Variants in RNF121 observed in about 807,000 individuals in gnomAD.
The protein encoded by RNF121 is ring finger protein 121.
A neutral mutation model predicts 46.5 loss-of-function variants in RNF121; 21 were observed. The observed-to-expected ratio is 0.45, with a 90% confidence interval of 0.32 to 0.65. The LOEUF (loss-of-function observed/expected upper bound fraction) is 0.65, where lower values mean the gene tolerates loss of function less well. RNF121 is among the 30% of genes least tolerant of loss of function. RNF121 has a pLI of 0.04. For missense variants in RNF121, 346 were observed against 416.0 expected (o/e 0.83, Z 1.46); for synonymous variants, 139 against 144.7 (o/e 0.96, Z 0.28).
Position 71,996,178 on chromosome 11 carries a change from C to T in RNF121, c.864-17C>T. The T allele has an allele frequency of 1.2e-6, 2 of 1,613,702 alleles. No homozygotes were observed. The highest frequency in any genetic ancestry group is 2.2e-5 in the South Asian group (2 of 91,052). ...GCAGCTCTTGCACAGAGTCTCTTTT[C>T]TTTAACACACTGACAGCTGGGAGAG... On this transcript the variant is annotated splice_polypyrimidine_tract_variant and intron_variant, in intron 8 of 8. Transcript: ENST00000361756.
At chr11:71,970,604 G>A (rs750690788) in intron 3 of RNF121, among the ~76,000 whole-genome samples, 2 of 152,060 alleles carry the variant, frequency 1.3e-5, no homozygotes, top group Non-Finnish European at 2.9e-5. Context: ...TAACGCTTCA[G>A]TAAACTATGA....
intron 1 of RNF121, among the ~76,000 whole-genome samples, chr11:71,955,338 G>A (rs1221790429): frequency 2.0e-5 from 3 of 152,172 alleles, no homozygotes; most frequent in East Asian, 1.9e-4. Context: ...ATCACCTGGA[G>A]GTCTTATTAA....
chr11:71,947,749 A>C (rs956265296), intron 1 of RNF121, among the ~76,000 whole-genome samples: 3 of 152,214 alleles, frequency 2.0e-5, no homozygotes, highest in African/African-American at 7.2e-5. Flanking sequence ...AAGTAGTAGG[A>C]TGATGCAATC....
intron 1 of RNF121, among the ~76,000 whole-genome samples, chr11:71,945,171 A>G (rs1333120085): frequency 6.6e-6 from 1 of 151,708 alleles, no homozygotes; most frequent in Non-Finnish European, 1.5e-5. Context: ...AATTTTTTGT[A>G]GAGATGGAGT....
intron 7 of RNF121, 133 bp from the exon 8 acceptor site, chr11:71,995,317 G>A (rs1954952541): frequency 1.4e-6 from 1 of 716,322 alleles, no homozygotes; most frequent in Non-Finnish European, 2.4e-6. Flanking sequence ...GAGGAAACAG[G>A]TTCAGACACA....
rs183097244 is a variant in RNF121, at chr11:71,933,701, G to A, written c.63+4577G>A. On this transcript the variant is annotated intron_variant, in intron 1 of 8. Transcript: ENST00000361756. The stretch of plus-strand genomic sequence containing the variant: ...CTCACCAAGCATTATAAAATTGTCT[G>A]CCTTCCTCACTAGACTGTAAGCTTC... 7.9e-5 allele frequency among the ~76,000 whole-genome samples: 12 copies of A among 152,304 alleles called. No individual in the cohort carries two copies. The East Asian group carries it at 2.1e-3, about 27-fold the overall frequency.
intron 6 of RNF121, among the ~76,000 whole-genome samples, chr11:71,992,571 C>G (rs112026959): frequency 5.9e-5 from 9 of 152,106 alleles, no homozygotes; most frequent in African/African-American, 9.7e-5. Context: ...TCACAGTTTC[C>G]AAGAAACTGT....
chr11:71,984,770 T>TTTTG (rs1954738730), intron 4 of RNF121, among the ~76,000 whole-genome samples: 1 of 89,648 alleles, frequency 1.1e-5, no homozygotes, highest in African/African-American at 4.3e-5. Flanking sequence ...TTTTTTTTTT[T>TTTTG]GTCTATTTTT....
intron 3 of RNF121, among the ~76,000 whole-genome samples, chr11:71,974,294 C>T (rs1954484180): frequency 6.6e-6 from 1 of 152,150 alleles, no homozygotes; most frequent in Non-Finnish European, 1.5e-5. Flanking sequence ...AGATACTGTT[C>T]TTTTCAATTC....
intron 1 of RNF121, among the ~76,000 whole-genome samples, chr11:71,943,395 A>C (rs1370996562): frequency 6.6e-6 from 1 of 152,210 alleles, no homozygotes; most frequent in African/African-American, 2.4e-5. Context: ...TGGGACTCTG[A>C]AGATCTGGCT....
At chr11:71,984,407 G>A (rs1954724341) in intron 4 of RNF121, among the ~76,000 whole-genome samples, 2 of 151,646 alleles carry the variant, frequency 1.3e-5, no homozygotes, top group Admixed American at 1.3e-4. Context: ...AGCCTCCCAA[G>A]TAGCTGGGAC....
At chr11:71,959,671 T>C (rs1954081524) in intron 2 of RNF121, among the ~76,000 whole-genome samples, 1 of 150,614 alleles carries the variant, frequency 6.6e-6, no homozygotes, top group Non-Finnish European at 1.5e-5. Context: ...AATCTCATTC[T>C]GTCGCCCAGG....
At chr11:71,975,959 G>C (rs1157332755) in intron 3 of RNF121, among the ~76,000 whole-genome samples, 1 of 152,154 alleles carries the variant, frequency 6.6e-6, no homozygotes, top group Non-Finnish European at 1.5e-5. Context: ...GTGTAGGTGT[G>C]ATAGGAGGGA....
At chr11:71,948,090 C>G (rs138704812) in intron 1 of RNF121, among the ~76,000 whole-genome samples, 10 of 152,048 alleles carry the variant, frequency 6.6e-5, no homozygotes, top group African/African-American at 2.4e-4. Flanking sequence ...AGCTGCAGTG[C>G]ATATAGGAAA....
At chr11:71,992,698 AT>A (rs1182397431) in intron 6 of RNF121, among the ~76,000 whole-genome samples, 1 of 152,256 alleles carries the variant, frequency 6.6e-6, no homozygotes, top group Non-Finnish European at 1.5e-5. Flanking sequence ...GAGATTTCTG[AT>A]TCGGCAACTG....
At chr11:71,929,165 C>CT in intron 1 of RNF121, 41 bp downstream of exon 1, 1 of 1,540,876 alleles carries the variant, frequency 6.5e-7, no homozygotes, top group Non-Finnish European at 8.8e-7. Context: ...CAACCTGAGA[C>CT]TGAGGGGAGG....
intron 5 of RNF121, among the ~76,000 whole-genome samples, chr11:71,989,146 T>A (rs1203221356): frequency 6.6e-6 from 1 of 152,188 alleles, no homozygotes. Flanking sequence ...GTGCAGTGGC[T>A]CACTGCAACC....
chr11:71,993,476 T>TTGTCTC (rs56168103), intron 6 of RNF121, among the ~76,000 whole-genome samples: 139,756 of 151,878 alleles, frequency 0.92, 64,602 homozygotes, highest in Non-Finnish European at 0.98. Context: ...ATTTGTCCCT[T>TTGTCTC]TGGCTTTTTT....
Position 71,997,215 on chromosome 11 carries a change from TG to T in RNF121, c.*901del, listed in dbSNP as rs1955000292. The T allele has an allele frequency of 2.6e-5, 4 of 152,102 alleles. No individual in the cohort carries two copies. The highest frequency in any genetic ancestry group is 4.4e-5 in the Non-Finnish European group (3 of 68,028). The allele number at this position is 152,102 out of a possible 1,614,324, so 9.4% of individuals were successfully genotyped here. The stretch of plus-strand genomic sequence containing the variant: ...AAGAGTGCGTATGCGTGTGTGTGTG[TG>T]TGTGTGTGTGTACGTGAGGCAGAAG... On this transcript the variant is annotated 3_prime_UTR_variant, in exon 9 of 9. Coordinates refer to ENST00000361756, the MANE Select transcript of RNF121 (RefSeq NM_018320.5).
Sources: allele counts gnomAD v4.1 joint callset (sites outside exome capture counted in the v4.1 genomes callset), GRCh38; gene constraint gnomAD v4.1.1; transcripts MANE v1.5; gene names NCBI Gene and HGNC (gene_info 2026-07-23, HGNC 2026-07-21).